The following IPPK variants were observed in gnomAD, a reference collection of about 807,000 sequenced individuals.
IPPK encodes inositol-pentakisphosphate 2-kinase, also known as IPK1 homolog.
Under a neutral mutation model 64.6 loss-of-function variants are expected in IPPK, and 22 were observed. The ratio of observed to expected loss-of-function variants is 0.34; its 90% confidence interval spans 0.24 to 0.49. The LOEUF (loss-of-function observed/expected upper bound fraction) is 0.49, where lower values mean the gene tolerates loss of function less well. IPPK is among the 20% of genes least tolerant of loss of function. IPPK has a pLI of 0.99. For synonymous variants in IPPK, 262 were observed against 247.2 expected, an observed-to-expected ratio of 1.06 and a Z score of -0.56; for missense variants, 532 against 630.7, an observed-to-expected ratio of 0.84 and a Z score of 1.68.
At chr9:92,665,062 G>A (rs904166100) in intron 1 of IPPK, among the ~76,000 whole-genome samples, 5 of 152,126 alleles carry the variant, frequency 3.3e-5, no homozygotes, top group East Asian at 1.9e-4. Context: ...AACAAAGAGC[G>A]AGCCACAAGC....
Position 92,615,811 on chromosome 9 carries a change from A to G in IPPK, c.*21T>C. 2 of 1,558,286 alleles carry G rather than the reference A, an allele frequency of 1.3e-6. No homozygotes were observed. Among genetic ancestry groups the G allele is most frequent in the Non-Finnish European group, 1.8e-6 (2 of 1,129,504 alleles). The stretch of plus-strand genomic sequence containing the variant: ...AGCCTTCACATTATGTTCAAGTTTC[A>G]AAGACACTGCAGGGAAAGAGTTAGA... On this transcript the variant is annotated 3_prime_UTR_variant, in exon 13 of 13. Transcript: ENST00000287996.
At chr9:92,634,519 G>A in intron 10 of IPPK, 31 bp from the exon 11 acceptor site, 1 of 1,509,034 alleles carries the variant, frequency 6.6e-7, no homozygotes. Flanking sequence ...AAAACAGGAT[G>A]ACAAAGCCGC....
Position 92,652,638 on chromosome 9 carries a change from T to C in IPPK, c.227A>G (p.Glu76Gly). ...FLGENYVHYG[E>G]VVQLPLEFVK... Reference sequence around the variant, plus strand: ...AAACTCTAAAGGTAGCTGAACGACCTCCTGTAAGAAAATACATGAAATTCT... The same window carrying C: ...AAACTCTAAAGGTAGCTGAACGACCCCCTGTAAGAAAATACATGAAATTCT... The change falls in exon 4 of 13, where the codon GAG becomes GGG. Residue 76 changes from glutamate (E) to glycine (G), a missense_variant and splice_region_variant. Coordinates refer to ENST00000287996, the MANE Select transcript of IPPK (RefSeq NM_022755.6). 1 of 1,552,052 alleles carries C rather than the reference T, an allele frequency of 6.4e-7. No individual in the cohort carries two copies. Among genetic ancestry groups the C allele is most frequent in the Non-Finnish European group, 8.8e-7 (1 of 1,134,500 alleles).
chr9:92,644,639 C>T (rs1852115339), intron 6 of IPPK, among the ~76,000 whole-genome samples: 2 of 152,128 alleles, frequency 1.3e-5, no homozygotes, highest in Admixed American at 1.3e-4. Context: ...TCATGGTTTC[C>T]TTGGAAGGAA....
chr9:92,633,138 G>A (rs1314192364), intron 11 of IPPK, among the ~76,000 whole-genome samples: 1 of 151,568 alleles, frequency 6.6e-6, no homozygotes, highest in Non-Finnish European at 1.5e-5. Flanking sequence ...AGCCTCCCAA[G>A]TAGTTGGGAC....
In IPPK at chr9:92,649,493, C is replaced by A. The variant is rs531041840; in HGVS notation, c.374G>T (p.Arg125Leu). The stretch of plus-strand genomic sequence containing the variant: ...CAGAATCGGCCGGTGCTCTGCAAAG[C>A]GGTAGGTTTGGAGTCTGGTTAAATT... ...LPNLTRLQTY[R>L]FAEHRPILCV... Residue 125 changes from arginine to leucine, a missense_variant, in exon 5 of 13, where the codon CGC becomes CTC. Physicochemically the swap from Arg to Leu is moderately radical, Grantham distance 102 (BLOSUM62 -2). Coordinates refer to ENST00000287996, the MANE Select transcript of IPPK (RefSeq NM_022755.6). 6.2e-7 allele frequency: 1 copy of A among 1,614,058 alleles called. No homozygotes were observed. Among genetic ancestry groups the A allele is most frequent in the Non-Finnish European group, 8.5e-7 (1 of 1,180,006 alleles).
intron 6 of IPPK, among the ~76,000 whole-genome samples, chr9:92,646,809 T>C (rs1282062637): frequency 6.6e-6 from 1 of 151,882 alleles, no homozygotes; most frequent in Non-Finnish European, 1.5e-5. Flanking sequence ...TACAAAAAAT[T>C]AGCCAGGCAT....
At chr9:92,654,846 G>A (rs984600532) in intron 3 of IPPK, among the ~76,000 whole-genome samples, 2 of 152,238 alleles carry the variant, frequency 1.3e-5, no homozygotes, top group Non-Finnish European at 2.9e-5. Flanking sequence ...CCTGAAAACT[G>A]GGCCACGGCA....
intron 8 of IPPK, among the ~76,000 whole-genome samples, chr9:92,640,037 A>G (rs1328712984): frequency 6.6e-6 from 1 of 152,198 alleles, no homozygotes; most frequent in Non-Finnish European, 1.5e-5. Flanking sequence ...GCCCATACTC[A>G]ACAGCCCTGC....
chr9:92,623,744 A>C (rs1851685396), intron 11 of IPPK, among the ~76,000 whole-genome samples: 1 of 152,220 alleles, frequency 6.6e-6, no homozygotes, highest in Non-Finnish European at 1.5e-5. Flanking sequence ...GATGGTGTGG[A>C]GCACAGGTGA....
At chr9:92,663,519 A>T (rs1465033021) in intron 1 of IPPK, among the ~76,000 whole-genome samples, 1 of 152,256 alleles carries the variant, frequency 6.6e-6, no homozygotes, top group Admixed American at 6.5e-5. Flanking sequence ...TGTTCTCTTC[A>T]TGGAGAAATA....
At chr9:92,664,922 A>C (rs972693211) in intron 1 of IPPK, among the ~76,000 whole-genome samples, 11 of 152,248 alleles carry the variant, frequency 7.2e-5, no homozygotes, top group Non-Finnish European at 1.3e-4. Flanking sequence ...GTGTGACCTC[A>C]GAAGGTGTAA....
chr9:92,633,747 CTG>C (rs1266930025), intron 11 of IPPK, among the ~76,000 whole-genome samples: 1 of 152,230 alleles, frequency 6.6e-6, no homozygotes, highest in Non-Finnish European at 1.5e-5. Flanking sequence ...GACGGAAAGT[CTG>C]TTTTTTTATT....
In IPPK at chr9:92,652,560, T is replaced by C; in HGVS notation, c.292+13A>G. ...TAAATTACAAACAATATCTGTAAGT[T>C]AAACACCCTTACCTGGTCTTTCAGA... is the stretch of plus-strand genomic sequence containing the variant. On this transcript the variant is annotated intron_variant, in intron 4 of 12. Coordinates refer to ENST00000287996, the MANE Select transcript of IPPK (RefSeq NM_022755.6). 1 of 1,454,110 alleles carries C rather than the reference T, an allele frequency of 6.9e-7. No individual in the cohort carries two copies. The highest frequency in any genetic ancestry group is 9.4e-7 in the Non-Finnish European group (1 of 1,058,594). 90.1% of individuals were successfully genotyped at this position (1,454,110 alleles called of 1,614,324 possible).
chr9:92,646,801 C>CA (rs1852158970), intron 6 of IPPK, among the ~76,000 whole-genome samples: 1 of 151,998 alleles, frequency 6.6e-6, no homozygotes, highest in Non-Finnish European at 1.5e-5. Context: ...ACTAAAAATA[C>CA]AAAAAATTAG....
chr9:92,661,132 C>T (rs1006006378), intron 1 of IPPK, among the ~76,000 whole-genome samples: 1 of 152,210 alleles, frequency 6.6e-6, no homozygotes, highest in African/African-American at 2.4e-5. Context: ...CATCTCCAGC[C>T]GTCTCTCCCT....
At position 92,648,048 on chromosome 9, in the gene IPPK, T is replaced by A; in HGVS notation, c.504+11A>T. 1 of 1,606,626 alleles carries A rather than the reference T, an allele frequency of 6.2e-7. No homozygotes were observed. The stretch of plus-strand genomic sequence containing the variant: ...AGCTAGAGTAGCCCACAGCTGGGCA[T>A]TGGCTCTCACCTTGAGGTGCTGGTG... On this transcript the variant is annotated intron_variant, in intron 6 of 12. Transcript: ENST00000287996.
At chr9:92,653,567 T>A (rs1852310300) in intron 3 of IPPK, among the ~76,000 whole-genome samples, 1 of 152,212 alleles carries the variant, frequency 6.6e-6, no homozygotes, top group African/African-American at 2.4e-5. Flanking sequence ...ATTTGTAAAT[T>A]GAAGCCAAGA....
At chr9:92,663,661 C>A (rs1394168932) in intron 1 of IPPK, among the ~76,000 whole-genome samples, 1 of 152,172 alleles carries the variant, frequency 6.6e-6, no homozygotes, top group South Asian at 2.1e-4. Flanking sequence ...CAATGGGAAG[C>A]CTGAGGGGGC....
Sources: gnomAD v4.1 joint callset for allele counts (sites outside exome capture counted in the v4.1 genomes callset) on GRCh38, gnomAD v4.1.1 for gene constraint, MANE v1.5 for transcripts, NCBI Gene and HGNC (gene_info 2026-07-23, HGNC 2026-07-21) for gene names.